Variants in PDPK1 observed in about 807,000 individuals in gnomAD.
PDPK1 encodes 3-phosphoinositide-dependent protein kinase 1.
A neutral mutation model predicts 39.8 loss-of-function variants in PDPK1; 7 were observed. The observed-to-expected ratio is 0.18, with a 90% CI of 0.10 to 0.33. The LOEUF (loss-of-function observed/expected upper bound fraction) is 0.33. Ranked by LOEUF, PDPK1 falls within the 10% of genes least tolerant of loss-of-function variation. The probability of loss-of-function intolerance (pLI) is 1.00; values close to 1 mark genes in which losing one functional copy is unlikely to be tolerated. For synonymous variants in PDPK1, 118 were observed against 159.1 expected (o/e 0.74, Z 1.95); for missense variants, 182 against 384.7 (o/e 0.47, Z 4.41).
At chr16:2,585,712 G>C (rs969593921) in intron 10 of PDPK1, among the ~76,000 whole-genome samples, 5 of 152,242 alleles carry the variant, frequency 3.3e-5, no homozygotes, top group African/African-American at 4.8e-5. Flanking sequence ...ATGCCCGTTG[G>C]CGAGCACCTT....
At chr16:2,579,395 T>C (rs1400102738) in intron 7 of PDPK1, 1 of 85,118 alleles carries the variant, frequency 1.2e-5, no homozygotes, top group Non-Finnish European at 2.3e-5. Context: ...GGAGGGCCAC[T>C]TTAGCATTGG....
intron 2 of PDPK1, among the ~76,000 whole-genome samples, chr16:2,559,503 C>G (rs1014158110): frequency 6.6e-6 from 1 of 150,672 alleles, no homozygotes; most frequent in African/African-American, 2.5e-5. Flanking sequence ...AGCCACTGTG[C>G]TTGGCCTCAG....
chr16:2,539,873 C>T (rs1310777238), intron 1 of PDPK1, among the ~76,000 whole-genome samples: 2 of 152,200 alleles, frequency 1.3e-5, no homozygotes, highest in Admixed American at 6.5e-5. Flanking sequence ...TTTCTCATGG[C>T]CTTGGCAGTT....
intron 12 of PDPK1, among the ~76,000 whole-genome samples, chr16:2,596,072 C>G (rs1321954996): frequency 6.6e-6 from 1 of 152,372 alleles, no homozygotes; most frequent in South Asian, 2.1e-4. Flanking sequence ...ACCGCCCACA[C>G]TCCTGGGAGC....
chr16:2,539,520 A>G (rs1192162310), intron 1 of PDPK1: 2 of 152,108 alleles, frequency 1.3e-5, no homozygotes, highest in African/African-American at 2.4e-5. Flanking sequence ...TTTTGTAACT[A>G]CGTCAGGAGG....
chr16:2,552,211 A>T (rs1319698611), intron 1 of PDPK1, among the ~76,000 whole-genome samples: 2 of 149,234 alleles, frequency 1.3e-5, no homozygotes, highest in Non-Finnish European at 3.0e-5. Context: ...GACTCAAGCC[A>T]TCCTCCCACT....
Position 2,593,231 on chromosome 16 carries a change from A to G in PDPK1, c.1344-2562A>G, listed in dbSNP as rs1208449973. On this transcript the variant is annotated intron_variant, in intron 11 of 13. Transcript: ENST00000342085. The surrounding 1 kb of genome is among the most constrained non-coding windows in gnomAD (Gnocchi z 4.2). ...AGGGCCATTGAGAGTTTCTTGTGTCACTGAATTCCTCTTCTGGGAATTTTT... is the reference window on the plus strand; with the variant it reads ...AGGGCCATTGAGAGTTTCTTGTGTCGCTGAATTCCTCTTCTGGGAATTTTT... 5.4e-6 allele frequency: 2 copies of G among 371,070 alleles called. No individual in the cohort carries two copies. The highest frequency in any genetic ancestry group is 1.1e-5 in the Non-Finnish European group (2 of 189,686). The allele number at this position is 371,070 out of a possible 1,614,324, so 23.0% of individuals were successfully genotyped here.
intron 6 of PDPK1, chr16:2,577,077 G>T (rs1255171686): frequency 6.5e-6 from 3 of 459,184 alleles, no homozygotes; most frequent in African/African-American, 2.2e-5. Flanking sequence ...GCCTGCAACT[G>T]TTTATTGTGT....
In PDPK1 at chr16:2,599,618, G is replaced by C. The variant is rs1293287414; in HGVS notation, c.*1851G>C. The C allele has an allele frequency of 4.3e-6, 1 of 232,912 alleles. No homozygotes were observed. Among genetic ancestry groups the C allele is most frequent in the African/African-American group, 2.2e-5 (1 of 45,296 alleles). 14.4% of individuals were successfully genotyped at this position (232,912 alleles called of 1,614,324 possible). On this transcript the variant is annotated 3_prime_UTR_variant, in exon 14 of 14. Transcript: ENST00000342085. ...TGCCCTGGGCCTGTGGCCGGAGTCGGAGTCCTCTCTCCTCCTCCTGGCTTT... is the reference window on the plus strand; with the variant it reads ...TGCCCTGGGCCTGTGGCCGGAGTCGCAGTCCTCTCTCCTCCTCCTGGCTTT...
rs572573505 is a variant in PDPK1, at chr16:2,593,260, T to A, written c.1344-2533T>A. ...AATTCCTCTTCTGGGAATTTTTAGTTTGTGTCATTTTGTTGAGTTTTCTGT... is the reference window on the plus strand; with the variant it reads ...AATTCCTCTTCTGGGAATTTTTAGTATGTGTCATTTTGTTGAGTTTTCTGT... On this transcript the variant is annotated intron_variant, in intron 11 of 13. Transcript: ENST00000342085. This position sits in a 1 kb window ranked among gnomAD's most constrained non-coding sequence, Gnocchi z 4.2. 4.7e-5 allele frequency: 17 copies of A among 360,340 alleles called. No homozygotes were observed. The highest frequency in any genetic ancestry group is 3.2e-4 in the South Asian group (15 of 47,358). The allele number at this position is 360,340 out of a possible 1,614,324, so 22.3% of individuals were successfully genotyped here. A position where few individuals can be genotyped will look rare whatever the true frequency, so the allele number is the denominator to read the frequency against.
rs551290379 is a variant in PDPK1, at chr16:2,593,080, G to A, written c.1344-2713G>A. ...GAGGCTACTTCTCAGTACTATTTCC[G>A]AATCGCTTCCTCAGTGAGTCCTCCC... On this transcript the variant is annotated intron_variant, in intron 11 of 13. Transcript: ENST00000342085. This position sits in a 1 kb window ranked among gnomAD's most constrained non-coding sequence, Gnocchi z 4.2. 62 of 456,120 alleles carry A rather than the reference G, an allele frequency of 1.4e-4. No homozygotes were observed. The highest frequency in any genetic ancestry group is 5.4e-4 in the African/African-American group (27 of 50,072). 28.3% of individuals were successfully genotyped at this position (456,120 alleles called of 1,614,324 possible). A position where few individuals can be genotyped will look rare whatever the true frequency, so the allele number is the denominator to read the frequency against.
chr16:2,558,745 G>A (rs1328567776), intron 2 of PDPK1, among the ~76,000 whole-genome samples: 3 of 146,906 alleles, frequency 2.0e-5, no homozygotes, highest in Admixed American at 6.7e-5. Context: ...CACTGTGGTC[G>A]CCAAGGTGGC....
chr16:2,595,287 G>T (rs947452575), intron 11 of PDPK1, among the ~76,000 whole-genome samples: 2 of 152,170 alleles, frequency 1.3e-5, no homozygotes, highest in Non-Finnish European at 2.9e-5. Flanking sequence ...ATGTTCTTAC[G>T]TCCAACTTGG....
rs1019739349 is a variant in PDPK1, at chr16:2,593,181, G to T, written c.1344-2612G>T. 2.3e-6 allele frequency: 1 copy of T among 441,598 alleles called. No individual in the cohort carries two copies. The highest frequency in any genetic ancestry group is 4.5e-6 in the Non-Finnish European group (1 of 221,422). 27.4% of individuals were successfully genotyped at this position (441,598 alleles called of 1,614,324 possible). The stretch of plus-strand genomic sequence containing the variant: ...GGCATGCCCAGATGATCAGGGTGGA[G>T]CGGCCCAGCTCAATGTCTTCATTTA... On this transcript the variant is annotated intron_variant, in intron 11 of 13. Transcript: ENST00000342085. This position sits in a 1 kb window ranked among gnomAD's most constrained non-coding sequence, Gnocchi z 4.2.
At chr16:2,544,536 G>C (rs1406790102) in intron 1 of PDPK1, among the ~76,000 whole-genome samples, 2 of 152,142 alleles carry the variant, frequency 1.3e-5, no homozygotes, top group East Asian at 3.9e-4. Flanking sequence ...GATTCTACCA[G>C]TTGTTAACCT....
chr16:2,541,416 G>C (rs935934393), intron 1 of PDPK1, among the ~76,000 whole-genome samples: 17 of 152,334 alleles, frequency 1.1e-4, no homozygotes, highest in African/African-American at 4.1e-4. Context: ...GGGGGCAAGC[G>C]TGGCCAGTCC....
chr16:2,594,411 G>C (rs1432267441), intron 11 of PDPK1: 1 of 152,024 alleles, frequency 6.6e-6, no homozygotes, highest in African/African-American at 2.4e-5. Flanking sequence ...GGGCGTGGTG[G>C]TGCGCACCTG....
rs537432131 is a variant in PDPK1, at chr16:2,602,288, C to G, written c.*4521C>G. The G allele has an allele frequency of 2.6e-5, 6 of 234,690 alleles. No homozygotes were observed. The highest frequency in any genetic ancestry group is 1.3e-4 in the African/African-American group (6 of 45,376). 14.5% of individuals were successfully genotyped at this position (234,690 alleles called of 1,614,324 possible). On this transcript the variant is annotated 3_prime_UTR_variant, in exon 14 of 14. Coordinates refer to ENST00000342085, the MANE Select transcript of PDPK1 (RefSeq NM_002613.5). ...CTTCAGAGCCTCTGAGGGGCCACCA[C>G]TTCTGGCCCAAAATTGCAGGGTTGT...
chr16:2,588,008 C>G (rs1207889757), intron 11 of PDPK1, among the ~76,000 whole-genome samples: 2 of 152,014 alleles, frequency 1.3e-5, no homozygotes, highest in African/African-American at 4.8e-5. Flanking sequence ...GGAAGGCATG[C>G]TGGAGTGGAA....
Sources: allele counts gnomAD v4.1 joint callset (sites outside exome capture counted in the v4.1 genomes callset), GRCh38; gene constraint gnomAD v4.1.1; non-coding constraint Gnocchi (gnomAD v3.1); transcripts MANE v1.5; gene names NCBI Gene and HGNC (gene_info 2026-07-23, HGNC 2026-07-21).